Variants in CSMD1 observed in about 807,000 individuals in gnomAD.
The protein encoded by CSMD1 is CUB and sushi domain-containing protein 1.
Under a neutral mutation model 417.5 loss-of-function variants are expected in CSMD1, and 213 were observed. That is an observed-to-expected ratio of 0.51 (90% confidence interval 0.46 to 0.57). The LOEUF is 0.57. Ranked by LOEUF, CSMD1 falls within the 20% of genes least tolerant of loss-of-function variation. The probability of loss-of-function intolerance (pLI) is 0.00; values close to 1 mark genes in which losing one functional copy is unlikely to be tolerated. For synonymous variants in CSMD1, 2,862 were observed against 1,736.8 expected, an observed-to-expected ratio of 1.65 and a Z score of -16.11; for missense variants, 6,923 against 4,529.7, an observed-to-expected ratio of 1.53 and a Z score of -15.17.
intron 7 of CSMD1, among the ~76,000 whole-genome samples, chr8:3,678,625 C>G (rs1799500781): frequency 6.6e-6 from 1 of 152,108 alleles, no homozygotes; most frequent in South Asian, 2.1e-4. Context: ...AGGACATTAT[C>G]AAGGAAAACT....
At chr8:4,565,621 G>C (rs1404241856) in intron 2 of CSMD1, among the ~76,000 whole-genome samples, 1 of 151,600 alleles carries the variant, frequency 6.6e-6, no homozygotes, top group Non-Finnish European at 1.5e-5. Context: ...TGTAGTCCCA[G>C]CTACTCAGGA....
chr8:3,680,617 A>T (rs1449189885), intron 7 of CSMD1, among the ~76,000 whole-genome samples: 1 of 152,226 alleles, frequency 6.6e-6, no homozygotes, highest in South Asian at 2.1e-4. Flanking sequence ...TACAAAGAGG[A>T]GCAGGTACCA....
intron 12 of CSMD1, among the ~76,000 whole-genome samples, chr8:3,428,267 G>C (rs990910102): frequency 3.3e-5 from 5 of 151,146 alleles, no homozygotes; most frequent in African/African-American, 1.2e-4. Context: ...AGTCACTTTA[G>C]AAAACAAACA....
intron 1 of CSMD1, among the ~76,000 whole-genome samples, chr8:4,724,562 G>GTGTGTGTGTGTT (rs1225955638): frequency 1.4e-5 from 2 of 142,046 alleles, no homozygotes; most frequent in African/African-American, 5.5e-5. Context: ...GTGTGTGTGT[G>GTGTGTGTGTGTT]TTTATACTCC....
At chr8:2,988,157 T>G (rs1310842589) in intron 54 of CSMD1, among the ~76,000 whole-genome samples, 1 of 152,186 alleles carries the variant, frequency 6.6e-6, no homozygotes. Flanking sequence ...CATTTTTCAT[T>G]AACACTTTAG....
At chr8:3,048,533 T>C (rs1811607431) in intron 50 of CSMD1, among the ~76,000 whole-genome samples, 1 of 152,112 alleles carries the variant, frequency 6.6e-6, no homozygotes, top group African/African-American at 2.4e-5. Context: ...GATATCTACA[T>C]TCTAAAAAAT....
Position 3,137,769 on chromosome 8 carries a change from C to T in CSMD1, c.6241+4696G>A, listed in dbSNP as rs140107004. Among the ~76,000 whole-genome samples the T allele has an allele frequency of 1.5e-4, 23 of 152,314 alleles. No homozygotes were observed. In the East Asian group the frequency reaches 4.0e-3, roughly 27 times the overall value. ...AGAGTCTGTGCATGTTCAGTGGAAA[C>T]ACAACCATGTGTTGTGTATTTCAGA... On this transcript the variant is annotated intron_variant, in intron 41 of 69. Coordinates refer to ENST00000635120, the MANE Select transcript of CSMD1 (RefSeq NM_033225.6).
chr8:3,180,969 A>C (rs1307811768), intron 37 of CSMD1, 141 bp downstream of exon 37: 2 of 634,818 alleles, frequency 3.2e-6, no homozygotes, highest in Non-Finnish European at 2.8e-6. Context: ...GCCAGATTTC[A>C]TAACACTAAA....
chr8:3,924,078 C>A (rs1194401014), intron 5 of CSMD1, among the ~76,000 whole-genome samples: 1 of 152,146 alleles, frequency 6.6e-6, no homozygotes, highest in African/African-American at 2.4e-5. Flanking sequence ...CAGGGTATAT[C>A]TGGTGGTGAT....
At chr8:2,940,947 T>C (rs900711820) in intron 69 of CSMD1, among the ~76,000 whole-genome samples, 2 of 152,178 alleles carry the variant, frequency 1.3e-5, no homozygotes, top group Non-Finnish European at 2.9e-5. Context: ...AGAAGATACA[T>C]TTTTGTGTAT....
At chr8:3,779,650 T>A (rs1268765516) in intron 5 of CSMD1, among the ~76,000 whole-genome samples, 1 of 152,198 alleles carries the variant, frequency 6.6e-6, no homozygotes, top group African/African-American at 2.4e-5. Context: ...TTAGGTTACA[T>A]TTATGCAATG....
chr8:4,604,599 TG>T (rs1021897126), intron 2 of CSMD1, among the ~76,000 whole-genome samples: 2 of 152,092 alleles, frequency 1.3e-5, no homozygotes, highest in African/African-American at 4.8e-5. Context: ...AGCTTAAAAA[TG>T]TTAAAAAGTG....
intron 3 of CSMD1, among the ~76,000 whole-genome samples, chr8:4,414,985 A>G (rs1796850183): frequency 6.6e-6 from 1 of 152,202 alleles, no homozygotes; most frequent in Non-Finnish European, 1.5e-5. Context: ...CTTAAAAGCC[A>G]AAATGTGATA....
chr8:3,564,867 C>A (rs893700119), intron 10 of CSMD1, among the ~76,000 whole-genome samples: 1 of 151,594 alleles, frequency 6.6e-6, no homozygotes, highest in African/African-American at 2.4e-5. Context: ...GCAGCAGTAA[C>A]GGGTAAGTCA....
intron 26 of CSMD1, among the ~76,000 whole-genome samples, chr8:3,282,380 C>T (rs1218342165): frequency 6.6e-6 from 1 of 152,006 alleles, no homozygotes; most frequent in Non-Finnish European, 1.5e-5. Context: ...AAAAATAAAA[C>T]CTGTTGAAAA....
chr8:4,694,671 T>C (rs1185617538), intron 1 of CSMD1, among the ~76,000 whole-genome samples: 2 of 152,014 alleles, frequency 1.3e-5, no homozygotes, highest in African/African-American at 4.8e-5. Flanking sequence ...CCCAATGTAC[T>C]TCCTAGATAC....
chr8:3,053,439 G>A (rs571336378), intron 49 of CSMD1, among the ~76,000 whole-genome samples: 2 of 152,024 alleles, frequency 1.3e-5, no homozygotes, highest in East Asian at 1.9e-4. Flanking sequence ...CCTTTTTATT[G>A]TTCCTCTCCC....
intron 2 of CSMD1, among the ~76,000 whole-genome samples, chr8:4,534,240 G>C (rs1473881750): frequency 6.6e-6 from 1 of 152,130 alleles, no homozygotes; most frequent in Non-Finnish European, 1.5e-5. Flanking sequence ...TTCTGCGTGG[G>C]CCTGGCCCCA....
rs368242505 is a variant in CSMD1 at position 3,189,940 on chromosome 8, C to G, written c.5370G>C (p.Gln1790His). Residue 1790 changes from glutamine to histidine, a missense_variant, in exon 34 of 70, where the codon CAG becomes CAC. By Grantham distance (24) the Gln-to-His change is conservative (BLOSUM62 0). Coordinates refer to ENST00000635120, the MANE Select transcript of CSMD1 (RefSeq NM_033225.6). ...HCQSVPNALA[Q>H]WNDTIPSCVV... ...CACAGCTGGGGATCGTGTCGTTCCA[C>G]TGTGCCAAGGCGTTGGGCACGGACT... The G allele has an allele frequency of 1.3e-6, 2 of 1,591,280 alleles. No individual in the cohort carries two copies. The highest frequency in any genetic ancestry group is 2.7e-5 in the African/African-American group (2 of 74,458).
Sources: allele counts gnomAD v4.1 joint callset (sites outside exome capture counted in the v4.1 genomes callset), GRCh38; gene constraint gnomAD v4.1.1; transcripts MANE v1.5; gene names NCBI Gene and HGNC (gene_info 2026-07-23, HGNC 2026-07-21).